LDHA: variants seen among roughly 807,000 people sequenced by gnomAD.
LDHA encodes lactate dehydrogenase A.
Under a neutral mutation model 36.3 loss-of-function variants are expected in LDHA, and 10 were observed. The observed-to-expected ratio is 0.28, with a 90% CI of 0.17 to 0.47. The LOEUF (loss-of-function observed/expected upper bound fraction) is 0.47, where lower values mean the gene tolerates loss of function less well. LDHA is among the 20% of genes least tolerant of loss of function. LDHA has a pLI of 0.99. For synonymous variants in LDHA, 110 were observed against 136.7 expected, an observed-to-expected ratio of 0.80 and a Z score of 1.36; for missense variants, 267 against 405.8, an observed-to-expected ratio of 0.66 and a Z score of 2.94.
chr11:18,405,288 G>A (rs905568320), intron 6 of LDHA, among the ~76,000 whole-genome samples, 161 bp from the exon 7 acceptor site: 4 of 152,144 alleles, frequency 2.6e-5, no homozygotes, highest in African/African-American at 9.7e-5. Context: ...GAATATCCCT[G>A]TACATAATAT....
intron 1 of LDHA, chr11:18,394,870 G>A (rs1866237623): frequency 2.3e-5 from 8 of 353,190 alleles, no homozygotes; most frequent in South Asian, 1.7e-4. Flanking sequence ...TTCTGGCCAC[G>A]CTGGGGAACC....
At chr11:18,395,618 T>C (rs1866267040) in intron 1 of LDHA, among the ~76,000 whole-genome samples, 1 of 152,302 alleles carries the variant, frequency 6.6e-6, no homozygotes. Context: ...GCTTGGTGAC[T>C]CTGGGCTGAC....
rs759849879 is a variant in LDHA at position 18,396,909 on chromosome 11, A to G, written c.67A>G (p.Ile23Val). 5.0e-6 allele frequency: 8 copies of G among 1,613,920 alleles called. No homozygotes were observed. In the South Asian group the frequency reaches 5.5e-5, roughly 11 times the overall value. ...LKEEQTPQNK[I>V]TVVGVGAVGM... The stretch of plus-strand genomic sequence containing the variant: ...GGAAGAACAGACCCCCCAGAATAAG[A>G]TTACAGTTGTTGGGGTTGGTGCTGT... Residue 23 changes from isoleucine (I) to valine (V), a missense_variant, in exon 2 of 8, where the codon ATT (isoleucine) becomes GTT (valine). Coordinates refer to ENST00000422447, the MANE Select transcript of LDHA (RefSeq NM_005566.4).
chr11:18,396,692 T>C, intron 1 of LDHA, 127 bp from the exon 2 acceptor site: 1 of 1,350,730 alleles, frequency 7.4e-7, no homozygotes, highest in Non-Finnish European at 9.9e-7. Flanking sequence ...TTCCCCTCCC[T>C]TTTTAGTCAT....
intron 7 of LDHA, 139 bp downstream of exon 7, chr11:18,405,711 T>C (rs918037226): frequency 1.2e-4 from 112 of 920,678 alleles, no homozygotes; most frequent in Middle Eastern, 2.9e-4. Context: ...CTTACCTTTT[T>C]TGAAAGAAAT....
At chr11:18,398,278 C>T (rs1445466708) in intron 2 of LDHA, among the ~76,000 whole-genome samples, 2 of 152,218 alleles carry the variant, frequency 1.3e-5, no homozygotes, top group Non-Finnish European at 2.9e-5. Flanking sequence ...CAGTATTATA[C>T]ACTGCACAAA....
chr11:18,399,387 GAAGTGGC>G, intron 2 of LDHA, 37 bp from the exon 3 acceptor site: 1 of 1,346,692 alleles, frequency 7.4e-7, no homozygotes, highest in Non-Finnish European at 1.1e-6. Flanking sequence ...TAAAAATCTA[GAAGTGGC>G]AATTTTCCAT....
intron 2 of LDHA, chr11:18,397,220 A>G: frequency 3.0e-6 from 1 of 330,996 alleles, no homozygotes; most frequent in South Asian, 8.9e-5. Flanking sequence ...ATTAACATGC[A>G]TGGATTGACT....
chr11:18,406,391 G>A (rs1866681922), intron 7 of LDHA, among the ~76,000 whole-genome samples: 1 of 134,728 alleles, frequency 7.4e-6, no homozygotes, highest in Non-Finnish European at 1.5e-5. Flanking sequence ...ACCCTAGGCA[G>A]TATAGTGAGA....
intron 1 of LDHA, 94 bp from the exon 2 acceptor site, chr11:18,396,725 A>AT (rs1866317978): frequency 7.2e-7 from 1 of 1,388,928 alleles, no homozygotes; most frequent in Non-Finnish European, 9.8e-7. Flanking sequence ...ATAGTGGCAA[A>AT]TACCCCCAAA....
chr11:18,397,958 C>T (rs528111002), intron 2 of LDHA, among the ~76,000 whole-genome samples: 7 of 152,320 alleles, frequency 4.6e-5, no homozygotes, highest in African/African-American at 1.7e-4. Context: ...GGTGACTCTA[C>T]ATATGTTCTT....
Position 18,403,816 on chromosome 11 carries a change from TA to T in LDHA, c.710+8del. 6.9e-7 allele frequency: 1 copy of T among 1,439,182 alleles called. No homozygotes were observed. The highest frequency in any genetic ancestry group is 1.1e-5 in the South Asian group (1 of 87,360). The allele number at this position is 1,439,182 out of a possible 1,614,324, so 89.2% of individuals were successfully genotyped here. On this transcript the variant is annotated splice_donor_region_variant and intron_variant, in intron 6 of 7. Coordinates refer to ENST00000422447, the MANE Select transcript of LDHA (RefSeq NM_005566.4). ...TCACAAGCAGGTGGTTGAGAGGTAA[TA>T]AATCTTTCAATTTGGCAACACAGAA...
At chr11:18,405,631 A>T (rs1866657227) in intron 7 of LDHA, 59 bp downstream of exon 7, 2 of 1,568,574 alleles carry the variant, frequency 1.3e-6, no homozygotes, top group Non-Finnish European at 1.8e-6. Context: ...TTTAAAAAAG[A>T]TTCTTCTGAG....
At chr11:18,395,840 T>A (rs1279368202) in intron 1 of LDHA, among the ~76,000 whole-genome samples, 1 of 152,250 alleles carries the variant, frequency 6.6e-6, no homozygotes. Flanking sequence ...CTACACTCCC[T>A]GTACTGAAAC....
chr11:18,394,881 G>C, intron 1 of LDHA: 1 of 352,812 alleles, frequency 2.8e-6, no homozygotes, highest in Non-Finnish European at 5.6e-6. Context: ...CTGGGGAACC[G>C]AGGAGGTGGC....
rs1041196821 is a variant in LDHA at position 18,402,451 on chromosome 11, G to A, written c.419-389G>A. 1.5e-5 allele frequency: 4 copies of A among 260,842 alleles called. No homozygotes were observed. In the East Asian group the frequency reaches 3.9e-4, roughly 25 times the overall value. The allele number at this position is 260,842 out of a possible 1,614,324, so 16.2% of individuals were successfully genotyped here. On this transcript the variant is annotated intron_variant, in intron 4 of 7. Coordinates refer to ENST00000422447, the MANE Select transcript of LDHA (RefSeq NM_005566.4). ...TAGGACTACAGGCGTGCACCAATAT[G>A]CCTGGCTAGTTTGTTAAAAGTTTTT...
chr11:18,401,822 G>C (rs984997806), intron 4 of LDHA, among the ~76,000 whole-genome samples: 1 of 151,816 alleles, frequency 6.6e-6, no homozygotes, highest in African/African-American at 2.4e-5. Context: ...GGAGATTTGT[G>C]TGTGTGTGTT....
rs977014589 is a variant in LDHA, at chr11:18,396,869, T to G, written c.27T>G (p.Ile9Met). 3 of 1,613,642 alleles carry G rather than the reference T, an allele frequency of 1.9e-6. No homozygotes were observed. Among genetic ancestry groups the G allele is most frequent in the East Asian group, 2.2e-5 (1 of 44,870 alleles). MATLKDQLIYNLLKEEQTP... is the reference protein window; with the variant it reads MATLKDQLMYNLLKEEQTP... ...TGGCAACTCTAAAGGATCAGCTGAT[T>G]TATAATCTTCTAAAGGAAGAACAGA... Residue 9 changes from isoleucine to methionine, a missense_variant, in exon 2 of 8, where the codon ATT (isoleucine) becomes ATG (methionine). Coordinates refer to ENST00000422447, the MANE Select transcript of LDHA (RefSeq NM_005566.4).
chr11:18,396,667 C>A (rs1866316104), intron 1 of LDHA, 152 bp from the exon 2 acceptor site: 4 of 1,374,880 alleles, frequency 2.9e-6, no homozygotes, highest in African/African-American at 1.5e-5. Flanking sequence ...TCTCTTTTGG[C>A]AACCATTAGG....
Sources: allele counts gnomAD v4.1 joint callset (sites outside exome capture counted in the v4.1 genomes callset), GRCh38; gene constraint gnomAD v4.1.1; transcripts MANE v1.5; gene names NCBI Gene and HGNC (gene_info 2026-07-23, HGNC 2026-07-21).